ASTN2: variants seen among roughly 807,000 people sequenced by gnomAD.
ASTN2 encodes the protein astrotactin 2.
A neutral mutation model predicts 139.8 loss-of-function variants in ASTN2; 54 were observed. That is an observed-to-expected ratio of 0.39 (90% CI 0.31 to 0.48). ASTN2 has a LOEUF of 0.48. Among genes scored for constraint, ASTN2 ranks in the 20% least tolerant of loss-of-function variants. The pLI is 0.95. For synonymous variants in ASTN2, 756 were observed against 719.5 expected (o/e 1.05, Z -0.81); for missense variants, 1,565 against 1,725.1 (o/e 0.91, Z 1.64).
intron 19 of ASTN2, chr9:116,504,353 A>C (rs897143962): frequency 6.6e-6 from 1 of 152,176 alleles, no homozygotes; most frequent in African/African-American, 2.4e-5. Flanking sequence ...AGGTGAGGGC[A>C]AAGAGGACGG....
At chr9:117,308,361 G>T (rs751837198) in intron 1 of ASTN2, among the ~76,000 whole-genome samples, 2 of 152,086 alleles carry the variant, frequency 1.3e-5, no homozygotes, top group Non-Finnish European at 2.9e-5. Flanking sequence ...CACCCTCGAG[G>T]GACCTATTAG....
At chr9:117,134,868 G>C (rs1279716397) in intron 4 of ASTN2, among the ~76,000 whole-genome samples, 4 of 152,166 alleles carry the variant, frequency 2.6e-5, no homozygotes, top group African/African-American at 9.7e-5. Context: ...TAAAAACATT[G>C]AGAGTGGATG....
chr9:116,435,640 ACTCT>A (rs1847626810), intron 22 of ASTN2, among the ~76,000 whole-genome samples: 2 of 151,948 alleles, frequency 1.3e-5, no homozygotes, highest in South Asian at 4.2e-4. Context: ...TGATGAGAAG[ACTCT>A]CTCCCTTCCA....
chr9:116,771,488 A>G (rs928538469), intron 13 of ASTN2, among the ~76,000 whole-genome samples: 5 of 152,208 alleles, frequency 3.3e-5, no homozygotes, highest in Admixed American at 1.3e-4. Flanking sequence ...CCACCATCCC[A>G]TAAGTACCAA....
At chr9:117,065,468 C>G (rs1485853272) in intron 5 of ASTN2, among the ~76,000 whole-genome samples, 2 of 152,142 alleles carry the variant, frequency 1.3e-5, no homozygotes, top group Non-Finnish European at 2.9e-5. Context: ...TTGCACAAAC[C>G]TCTTTGATGT....
At chr9:117,061,142 T>TTC (rs1564407273) in intron 5 of ASTN2, among the ~76,000 whole-genome samples, 1 of 104,032 alleles carries the variant, frequency 9.6e-6, no homozygotes, top group Admixed American at 8.8e-5. Flanking sequence ...ACCAGTCTTT[T>TTC]ATTTATTTAT....
At chr9:116,740,025 C>G (rs558926464) in intron 13 of ASTN2, among the ~76,000 whole-genome samples, 1 of 152,234 alleles carries the variant, frequency 6.6e-6, no homozygotes, top group Non-Finnish European at 1.5e-5. Context: ...CATACATACT[C>G]TGGCTCCCAT....
rs536285100 is a variant in ASTN2, at chr9:117,095,897, A to T, written c.1276+147T>A. The T allele has an allele frequency of 2.0e-5, 13 of 648,072 alleles. No individual in the cohort carries two copies. In the South Asian group the frequency reaches 2.4e-4, roughly 12 times the overall value. The allele number at this position is 648,072 out of a possible 1,614,324, so 40.1% of individuals were successfully genotyped here. On this transcript the variant is annotated intron_variant, in intron 5 of 22. Coordinates refer to ENST00000313400, the MANE Select transcript of ASTN2 (RefSeq NM_001365068.1). ...GCATTATACTGAAGGTCACCCATAT[A>T]GCCAGGGCAACAGATACTAAGCTCA...
In ASTN2 at chr9:117,203,929, C is replaced by T. The variant is rs144351465; in HGVS notation, c.1015+10429G>A. On this transcript the variant is annotated intron_variant, in intron 3 of 22. Coordinates refer to ENST00000313400, the MANE Select transcript of ASTN2 (RefSeq NM_001365068.1). ...AGGGGAAACCCACTGTTCTGGGCTG[C>T]CCGGATTCATCAGAACTACCAGAAG... Among the ~76,000 whole-genome samples, 329 of 152,268 alleles carry T rather than the reference C, an allele frequency of 2.2e-3. 1 individual carries two copies. The highest frequency in any genetic ancestry group is 3.6e-3 in the Non-Finnish European group (246 of 68,018).
intron 16 of ASTN2, among the ~76,000 whole-genome samples, chr9:116,696,276 A>G (rs767493404): frequency 3.0e-4 from 45 of 152,230 alleles, no homozygotes; most frequent in Non-Finnish European, 5.4e-4. Context: ...TCTAAGGATA[A>G]TAAAAAAGAG....
chr9:117,141,521 C>G, intron 3 of ASTN2, 43 bp from the exon 4 acceptor site: 1 of 1,348,598 alleles, frequency 7.4e-7, no homozygotes, highest in Non-Finnish European at 9.9e-7. Flanking sequence ...TTGAGCCCAC[C>G]CTCAGCACCT....
chr9:117,379,161 TC>T (rs1830200746), intron 1 of ASTN2, among the ~76,000 whole-genome samples: 1 of 152,164 alleles, frequency 6.6e-6, no homozygotes, highest in African/African-American at 2.4e-5. Flanking sequence ...TTGGGGTACT[TC>T]TTTATATCCA....
chr9:117,240,249 T>G (rs1833166750), intron 2 of ASTN2, among the ~76,000 whole-genome samples: 1 of 152,182 alleles, frequency 6.6e-6, no homozygotes, highest in South Asian at 2.1e-4. Context: ...CCATGTTCCT[T>G]GTCCTGTCTT....
intron 16 of ASTN2, chr9:116,687,159 C>T (rs1003022602): frequency 9.3e-7 from 1 of 1,070,202 alleles, no homozygotes; most frequent in Non-Finnish European, 1.1e-6. Flanking sequence ...TCGCTAAGGC[C>T]CCGGGTTCTC....
chr9:117,116,036 G>GAATATATATATATATATATATA, intron 4 of ASTN2, among the ~76,000 whole-genome samples: 1 of 71,336 alleles, frequency 1.4e-5, no homozygotes. Flanking sequence ...AAAAAAAAAT[G>GAATATATATATATATATATATA]CATATATATA....
chr9:116,844,789 T>A (rs188811935), intron 11 of ASTN2, among the ~76,000 whole-genome samples: 1 of 152,282 alleles, frequency 6.6e-6, no homozygotes, highest in African/African-American at 2.4e-5. Context: ...TGAGTTCCAA[T>A]GAAATACCAA....
intron 16 of ASTN2, among the ~76,000 whole-genome samples, chr9:116,657,880 G>C (rs1052332440): frequency 2.0e-5 from 3 of 148,902 alleles, no homozygotes; most frequent in African/African-American, 4.9e-5. Context: ...AGGTCAGAAA[G>C]TAGCAAGATT....
chr9:116,523,934 G>T (rs1263449587), intron 19 of ASTN2, among the ~76,000 whole-genome samples: 1 of 152,162 alleles, frequency 6.6e-6, no homozygotes, highest in Non-Finnish European at 1.5e-5. Flanking sequence ...TCTCTCAGGG[G>T]TTACAGATGC....
chr9:117,258,366 C>G (rs2133103792), intron 2 of ASTN2, among the ~76,000 whole-genome samples: 1 of 152,284 alleles, frequency 6.6e-6, no homozygotes, highest in East Asian at 1.9e-4. Flanking sequence ...TGTTACCACG[C>G]AGCTCAGCCT....
Sources: allele counts gnomAD v4.1 joint callset (sites outside exome capture counted in the v4.1 genomes callset), GRCh38; gene constraint gnomAD v4.1.1; transcripts MANE v1.5; gene names NCBI Gene and HGNC (gene_info 2026-07-23, HGNC 2026-07-21).